The following SDCBP variants were observed in gnomAD, a reference collection of about 807,000 sequenced individuals.
SDCBP encodes the protein syndecan binding protein.
A neutral mutation model predicts 30.5 loss-of-function variants in SDCBP; 22 were observed. The ratio of observed to expected loss-of-function variants is 0.72; its 90% CI spans 0.52 to 1.03. The LOEUF (loss-of-function observed/expected upper bound fraction) is 1.03, where lower values mean the gene tolerates loss of function less well. SDCBP is among the 50% of genes least tolerant of loss of function. SDCBP has a pLI of 0.00. For missense variants in SDCBP, 304 were observed against 369.9 expected (o/e 0.82, Z 1.46); for synonymous variants, 103 against 118.7 (o/e 0.87, Z 0.86).
At chr8:58,579,097 C>T (rs1484615324) in intron 6 of SDCBP, among the ~76,000 whole-genome samples, 2 of 152,128 alleles carry the variant, frequency 1.3e-5, no homozygotes, top group Non-Finnish European at 2.9e-5. Context: ...GCCTCCCTTT[C>T]CAAAGGGGCT....
At chr8:58,570,661 C>T (rs1295116428) in intron 2 of SDCBP, 1 of 427,028 alleles carries the variant, frequency 2.3e-6, no homozygotes, top group South Asian at 4.6e-5. Context: ...GGTACTTCTA[C>T]AATTTTTTTG....
intron 1 of SDCBP, among the ~76,000 whole-genome samples, chr8:58,562,664 C>T (rs186923718): frequency 2.0e-5 from 3 of 152,072 alleles, no homozygotes; most frequent in East Asian, 1.9e-4. Context: ...TACCACACAC[C>T]GTGTACAAAA....
chr8:58,575,370 A>G (rs1223798830), intron 4 of SDCBP, among the ~76,000 whole-genome samples: 1 of 152,218 alleles, frequency 6.6e-6, no homozygotes, highest in Non-Finnish European at 1.5e-5. Context: ...TGGTTTGTGC[A>G]TATGATTTGT....
rs79901032 is a variant in SDCBP at position 58,574,964 on chromosome 8, C to T, written c.241-936C>T. 7.0e-3 allele frequency among the ~76,000 whole-genome samples: 1,066 copies of T among 152,248 alleles called. 4 individuals are homozygous for T. The highest frequency in any genetic ancestry group is 0.011 in the Non-Finnish European group (757 of 67,996). On this transcript the variant is annotated intron_variant, in intron 4 of 8. Transcript: ENST00000260130. ...TATGCTGTACATTAGATCTCCAGAA[C>T]GTACTCATATGATAACTGAGAAAGT... is the stretch of plus-strand genomic sequence containing the variant.
In SDCBP at chr8:58,570,867, T is replaced by G; in HGVS notation, c.52-20T>G. The G allele has an allele frequency of 6.3e-7, 1 of 1,586,582 alleles. No individual in the cohort carries two copies. On this transcript the variant is annotated intron_variant, in intron 2 of 8. Transcript: ENST00000260130. ...AGTAAGTATAGCATATTGTTAGAAT[T>G]TTCTTCTTTTCTTTTTCAGGCTCAA...
chr8:58,556,242 A>C (rs1410583554), intron 1 of SDCBP, among the ~76,000 whole-genome samples: 1 of 152,214 alleles, frequency 6.6e-6, no homozygotes, highest in Non-Finnish European at 1.5e-5. Flanking sequence ...GGATGAAACT[A>C]TATCACGAGG....
intron 2 of SDCBP, 130 bp downstream of exon 2, chr8:58,565,214 GT>G (rs1804641106): frequency 2.4e-6 from 1 of 421,076 alleles, no homozygotes; most frequent in Non-Finnish European, 4.2e-6. Flanking sequence ...CCTTTTTTTA[GT>G]TTTATTAATT....
At chr8:58,571,986 C>G (rs1454295353) in intron 3 of SDCBP, among the ~76,000 whole-genome samples, 1 of 152,148 alleles carries the variant, frequency 6.6e-6, no homozygotes, top group African/African-American at 2.4e-5. Flanking sequence ...TGTTTCAGTT[C>G]AGATGTCTTC....
chr8:58,570,810 G>T, intron 2 of SDCBP, 77 bp from the exon 3 acceptor site: 1 of 994,590 alleles, frequency 1.0e-6, no homozygotes. Context: ...TGGAAGTACT[G>T]GATTTAGCTT....
chr8:58,559,913 C>T (rs1019196799), intron 1 of SDCBP, among the ~76,000 whole-genome samples: 3 of 152,220 alleles, frequency 2.0e-5, no homozygotes, highest in African/African-American at 7.2e-5. Flanking sequence ...CAAGAGGAAA[C>T]TCCAGGCTCC....
At chr8:58,576,304 C>T (rs1364255992) in intron 5 of SDCBP, 2 of 370,358 alleles carry the variant, frequency 5.4e-6, no homozygotes, top group African/African-American at 2.1e-5. Flanking sequence ...AACTGGAATA[C>T]ATTTCACTGG....
At chr8:58,558,477 T>C (rs527504891) in intron 1 of SDCBP, among the ~76,000 whole-genome samples, 1 of 152,262 alleles carries the variant, frequency 6.6e-6, no homozygotes. Flanking sequence ...GAGATGGGGT[T>C]TCTCCATGTT....
At chr8:58,562,398 G>A (rs749437590) in intron 1 of SDCBP, among the ~76,000 whole-genome samples, 10 of 152,018 alleles carry the variant, frequency 6.6e-5, no homozygotes, top group South Asian at 4.1e-4. Context: ...AAACAATTTC[G>A]AAAAAGAACA....
intron 1 of SDCBP, among the ~76,000 whole-genome samples, chr8:58,558,508 C>T (rs1804272589): frequency 6.6e-6 from 1 of 152,158 alleles, no homozygotes; most frequent in South Asian, 2.1e-4. Flanking sequence ...GTCGCAAACT[C>T]CTGGGCTCAA....
At chr8:58,570,615 A>T (rs754814543) in intron 2 of SDCBP, 5 of 286,458 alleles carry the variant, frequency 1.7e-5, no homozygotes, top group Admixed American at 1.5e-4. Flanking sequence ...TTATTGTGGC[A>T]GCACTATGAA....
intron 4 of SDCBP, 65 bp from the exon 5 acceptor site, chr8:58,575,835 A>C (rs1805280898): frequency 1.4e-6 from 2 of 1,385,928 alleles, no homozygotes; most frequent in African/African-American, 2.9e-5. Context: ...GTTCCAGTTA[A>C]TTATCATTGT....
chr8:58,579,659 C>T lies in SDCBP; in HGVS notation c.615C>T (p.Ser205=), dbSNP rs781215707. The part of the protein sequence containing the change: ...FERTITMHKD[S]TGHVGFIFKN... Reference sequence around the variant, plus strand: ...GGACGATTACCATGCATAAGGATAGCACTGGACATGTTGGTTTTATCTTTA... The same window carrying T: ...GGACGATTACCATGCATAAGGATAGTACTGGACATGTTGGTTTTATCTTTA... The change falls in exon 7 of 9, where the codon AGC becomes AGT. Residue 205 remains serine, a synonymous_variant. Coordinates refer to ENST00000260130, the MANE Select transcript of SDCBP (RefSeq NM_005625.4). 25 of 1,610,340 alleles carry T rather than the reference C, an allele frequency of 1.6e-5. No individual in the cohort carries two copies. Among genetic ancestry groups the T allele is most frequent in the Non-Finnish European group, 2.1e-5 (25 of 1,178,872 alleles).
chr8:58,562,568 T>C (rs1804495923), intron 1 of SDCBP, among the ~76,000 whole-genome samples: 1 of 152,166 alleles, frequency 6.6e-6, no homozygotes, highest in East Asian at 1.9e-4. Flanking sequence ...TCAATAACGA[T>C]GCGAAGACAA....
chr8:58,576,102 T>C, intron 5 of SDCBP, 41 bp downstream of exon 5: 1 of 1,399,900 alleles, frequency 7.1e-7, no homozygotes, highest in South Asian at 1.2e-5. Flanking sequence ...TCTAAATCTC[T>C]TACATAATAA....
Sources: gnomAD v4.1 joint callset for allele counts (sites outside exome capture counted in the v4.1 genomes callset) on GRCh38, gnomAD v4.1.1 for gene constraint, MANE v1.5 for transcripts, NCBI Gene and HGNC (gene_info 2026-07-23, HGNC 2026-07-21) for gene names.